The following NELL1 variants were observed in gnomAD, a reference collection of about 807,000 sequenced individuals.
NELL1 encodes the protein protein kinase C-binding protein NELL1.
In NELL1, 76 loss-of-function variants were observed where a neutral mutation model predicts 107.4. That is an observed-to-expected ratio of 0.71 (90% CI 0.59 to 0.86). The LOEUF (loss-of-function observed/expected upper bound fraction) is 0.86. Among genes scored for constraint, NELL1 ranks in the 40% least tolerant of loss-of-function variants. The pLI, the probability that NELL1 is intolerant of heterozygous loss-of-function variation, is 0.00. For missense variants in NELL1, 1,024 were observed against 1,005.5 expected, an observed-to-expected ratio of 1.02 and a Z score of -0.25; for synonymous variants, 353 against 341.2, an observed-to-expected ratio of 1.03 and a Z score of -0.38.
chr11:20,891,240 GA>G (rs2134115756), intron 5 of NELL1, among the ~76,000 whole-genome samples: 1 of 152,238 alleles, frequency 6.6e-6, no homozygotes, highest in African/African-American at 2.4e-5. Flanking sequence ...TTTCAACCCA[GA>G]ATTTCATATC....
At position 21,326,049 on chromosome 11, in the gene NELL1, G is replaced by GTTTT. The variant is rs35690119; in HGVS notation, c.1550-44775_1550-44772dup. 4.5e-3 allele frequency among the ~76,000 whole-genome samples: 167 copies of GTTTT among 37,100 alleles called. 23 individuals carry two copies. The highest frequency in any genetic ancestry group is 0.016 in the East Asian group (15 of 952). The allele number at this position is 37,100 out of a possible 152,430, so 24.3% of individuals were successfully genotyped here. On this transcript the variant is annotated intron_variant, in intron 14 of 19. Transcript: ENST00000357134. ...ACCACGGATATTTGTGTTAATCCTA[G>GTTTT]TTTTTTTTTTTTTTTTTTTTTTTTT...
chr11:21,023,029 G>A lies in NELL1; in HGVS notation c.1300+62469G>A, dbSNP rs569789357. Among the ~76,000 whole-genome samples, 6 of 152,058 alleles carry A rather than the reference G, an allele frequency of 3.9e-5. No individual in the cohort carries two copies. The South Asian group carries it at 8.3e-4, about 21-fold the overall frequency. ...CTCATTAGTGCTCTATGGTTCCCTC[G>A]AAGGGCCTGCATCTGGGAAGAATAC... On this transcript the variant is annotated intron_variant, in intron 12 of 19. Transcript: ENST00000357134.
chr11:21,241,392 C>T (rs552612124), intron 14 of NELL1, among the ~76,000 whole-genome samples: 22 of 152,178 alleles, frequency 1.4e-4, no homozygotes, highest in Admixed American at 1.2e-3. Flanking sequence ...AACTGTCTCA[C>T]CTGGTTGGGT....
At chr11:21,040,116 G>A (rs750066779) in intron 12 of NELL1, among the ~76,000 whole-genome samples, 2 of 144,942 alleles carry the variant, frequency 1.4e-5, no homozygotes, top group Non-Finnish European at 3.0e-5. Context: ...TTTTTCTTGT[G>A]CCCTCATATA....
intron 2 of NELL1, among the ~76,000 whole-genome samples, chr11:20,783,405 A>G (rs920928390): frequency 6.6e-6 from 1 of 152,188 alleles, no homozygotes; most frequent in Non-Finnish European, 1.5e-5. Flanking sequence ...CAAAGTGACA[A>G]GTGGGCATGG....
At chr11:20,736,433 A>G (rs1451302103) in intron 2 of NELL1, among the ~76,000 whole-genome samples, 3 of 151,760 alleles carry the variant, frequency 2.0e-5, no homozygotes, top group Admixed American at 1.3e-4. Flanking sequence ...TGGGGTAAAA[A>G]GTTAGGCATT....
intron 4 of NELL1, among the ~76,000 whole-genome samples, chr11:20,864,688 G>T (rs1021776382): frequency 1.3e-5 from 2 of 152,180 alleles, no homozygotes; most frequent in African/African-American, 4.8e-5. Context: ...TTCAACACAG[G>T]TCTTCCTTAT....
intron 15 of NELL1, among the ~76,000 whole-genome samples, chr11:21,392,936 G>A (rs1030122335): frequency 6.6e-6 from 1 of 151,338 alleles, no homozygotes; most frequent in African/African-American, 2.4e-5. Context: ...AAATTTGCAG[G>A]ATGTTATGGG....
chr11:20,825,292 C>T (rs1857855573), intron 3 of NELL1, among the ~76,000 whole-genome samples: 1 of 151,312 alleles, frequency 6.6e-6, no homozygotes. Flanking sequence ...GGGTCACTGC[C>T]TAGTAGAGAT....
At chr11:20,877,660 A>G (rs1438554658) in intron 4 of NELL1, among the ~76,000 whole-genome samples, 1 of 152,210 alleles carries the variant, frequency 6.6e-6, no homozygotes, top group Non-Finnish European at 1.5e-5. Context: ...TCCTAATGTG[A>G]GCCCTTGATT....
At chr11:21,458,008 T>G (rs1420595948) in intron 15 of NELL1, among the ~76,000 whole-genome samples, 1 of 97,788 alleles carries the variant, frequency 1.0e-5, no homozygotes, top group Non-Finnish European at 2.6e-5. Flanking sequence ...GAGATGACAA[T>G]AGGAAGATCA....
intron 15 of NELL1, among the ~76,000 whole-genome samples, chr11:21,441,251 C>G (rs1025546527): frequency 4.0e-5 from 6 of 151,140 alleles, no homozygotes; most frequent in African/African-American, 1.5e-4. Flanking sequence ...AAAGTGTCAA[C>G]CTTTGACATC....
At position 21,475,501 on chromosome 11, in the gene NELL1, C is replaced by G. The variant is rs74502202; in HGVS notation, c.1646-58873C>G. The stretch of plus-strand genomic sequence containing the variant: ...GCCATGTGACTTGCTCTGGCCAATC[C>G]CCTATGAGTGAACAAGATATAGGTT... On this transcript the variant is annotated intron_variant, in intron 15 of 19. Transcript: ENST00000357134. Among the ~76,000 whole-genome samples, 2,903 of 152,158 alleles carry G rather than the reference C, an allele frequency of 0.019. 232 individuals are homozygous for G. The East Asian group carries it at 0.24, about 12-fold the overall frequency.
chr11:21,241,904 A>ATTTT lies in NELL1; in HGVS notation c.1549+12464_1549+12467dup, dbSNP rs10652603. On this transcript the variant is annotated intron_variant, in intron 14 of 19. Coordinates refer to ENST00000357134, the MANE Select transcript of NELL1 (RefSeq NM_006157.5). Reference sequence around the variant, plus strand: ...TCGACTGAATTCGATGTCTGTTTCTATTTTTTTTTTTTTTTTTGCCTAATT... The same window carrying ATTTT: ...TCGACTGAATTCGATGTCTGTTTCTATTTTTTTTTTTTTTTTTTTTTGCCTAATT... 7.0e-3 allele frequency among the ~76,000 whole-genome samples: 935 copies of ATTTT among 134,128 alleles called. 13 individuals carry two copies. The highest frequency in any genetic ancestry group is 0.018 in the East Asian group (82 of 4,506). The allele number at this position is 134,128 out of a possible 152,430, so 88.0% of individuals were successfully genotyped here. A position where few individuals can be genotyped will look rare whatever the true frequency, so the allele number is the denominator to read the frequency against.
intron 2 of NELL1, among the ~76,000 whole-genome samples, chr11:20,744,106 A>G (rs756511770): frequency 6.6e-6 from 1 of 152,194 alleles, no homozygotes; most frequent in Non-Finnish European, 1.5e-5. Flanking sequence ...CATAGCCACA[A>G]TCTTATTCCA....
At chr11:20,973,549 G>A (rs577021354) in intron 12 of NELL1, among the ~76,000 whole-genome samples, 1 of 152,300 alleles carries the variant, frequency 6.6e-6, no homozygotes, top group South Asian at 2.1e-4. Flanking sequence ...ATAAATGAAG[G>A]TAGAAGAATG....
intron 15 of NELL1, among the ~76,000 whole-genome samples, chr11:21,475,548 G>C (rs1854308876): frequency 6.6e-6 from 1 of 152,178 alleles, no homozygotes; most frequent in Non-Finnish European, 1.5e-5. Flanking sequence ...GGAGCTTTGA[G>C]TTTGATTCCT....
At position 21,364,498 on chromosome 11, in the gene NELL1, T is replaced by C. The variant is rs554024358; in HGVS notation, c.1550-6355T>C. ...GACTAAAAGGGTAAACAAGTGGTTT[T>C]TAAACTTCAGTTTTAGTGGATTGCA... is the stretch of plus-strand genomic sequence containing the variant. On this transcript the variant is annotated intron_variant, in intron 14 of 19. Coordinates refer to ENST00000357134, the MANE Select transcript of NELL1 (RefSeq NM_006157.5). Among the ~76,000 whole-genome samples, 3 of 151,990 alleles carry C rather than the reference T, an allele frequency of 2.0e-5. No individual in the cohort carries two copies. The South Asian group carries it at 6.2e-4, about 32-fold the overall frequency.
rs1849685596 is a variant in NELL1 at position 21,309,282 on chromosome 11, A to ATATATATATATATATATATG, written c.1550-61554_1550-61553insATGTATATATATATATATAT. On this transcript the variant is annotated intron_variant, in intron 14 of 19. Coordinates refer to ENST00000357134, the MANE Select transcript of NELL1 (RefSeq NM_006157.5). ...TATGTATATATATATATATATATGT[A>ATATATATATATATATATATG]TATATATATATATATATGTATATAT... Among the ~76,000 whole-genome samples the ATATATATATATATATATATG allele has an allele frequency of 2.9e-4, 3 of 10,320 alleles. No homozygotes were observed. The East Asian group carries it at 4.4e-3, about 15-fold the overall frequency. 6.8% of individuals were successfully genotyped at this position (10,320 alleles called of 152,430 possible). A position where few individuals can be genotyped will look rare whatever the true frequency, so the allele number is the denominator to read the frequency against.
Sources: gnomAD v4.1 joint callset for allele counts (sites outside exome capture counted in the v4.1 genomes callset) on GRCh38, gnomAD v4.1.1 for gene constraint, MANE v1.5 for transcripts, NCBI Gene and HGNC (gene_info 2026-07-23, HGNC 2026-07-21) for gene names.